The following NAA15 variants were observed in gnomAD, a reference collection of about 807,000 sequenced individuals.
NAA15 encodes N-terminal acetyltransferase.
Under a neutral mutation model 114.0 loss-of-function variants are expected in NAA15, and 34 were observed. The observed-to-expected ratio is 0.30, with a 90% confidence interval of 0.23 to 0.40. The LOEUF is 0.40. Among genes scored for constraint, NAA15 ranks in the 10% least tolerant of loss-of-function variants. The pLI is 1.00. For synonymous variants in NAA15, 340 were observed against 338.0 expected (o/e 1.01, Z -0.06); for missense variants, 658 against 1,004.5 (o/e 0.66, Z 4.66).
At chr4:139,332,429 C>T (rs537929881) in intron 1 of NAA15, among the ~76,000 whole-genome samples, 2 of 152,002 alleles carry the variant, frequency 1.3e-5, no homozygotes, top group African/African-American at 2.4e-5. Context: ...ACGCCTGGCC[C>T]TCGATAGTGC....
At chr4:139,352,015 T>G (rs1747795034) in intron 9 of NAA15, among the ~76,000 whole-genome samples, 1 of 152,198 alleles carries the variant, frequency 6.6e-6, no homozygotes, top group African/African-American at 2.4e-5. Flanking sequence ...CAAAAAGTTC[T>G]GTCAGAAGAG....
At chr4:139,382,523 T>G (rs1423981618) in intron 17 of NAA15, among the ~76,000 whole-genome samples, 1 of 152,178 alleles carries the variant, frequency 6.6e-6, no homozygotes, top group Non-Finnish European at 1.5e-5. Context: ...TAAAGTATCC[T>G]GAAAGCATTT....
intron 1 of NAA15, among the ~76,000 whole-genome samples, chr4:139,309,657 C>T (rs999497132): frequency 6.6e-6 from 1 of 152,010 alleles, no homozygotes; most frequent in Non-Finnish European, 1.5e-5. Flanking sequence ...TTTAAACTGA[C>T]AGCATATATT....
intron 14 of NAA15, among the ~76,000 whole-genome samples, chr4:139,368,004 G>A (rs1748331762): frequency 6.7e-6 from 1 of 148,410 alleles, no homozygotes; most frequent in African/African-American, 2.5e-5. Context: ...ATAGTCCAAG[G>A]CTCTTCAAAC....
At chr4:139,324,547 G>A (rs1254357488) in intron 1 of NAA15, among the ~76,000 whole-genome samples, 1 of 152,218 alleles carries the variant, frequency 6.6e-6, no homozygotes, top group East Asian at 1.9e-4. Context: ...TGTTTTAAGT[G>A]AATTGAATGT....
At chr4:139,352,175 C>A (rs1360473214) in intron 9 of NAA15, among the ~76,000 whole-genome samples, 2 of 152,020 alleles carry the variant, frequency 1.3e-5, no homozygotes, top group Non-Finnish European at 2.9e-5. Flanking sequence ...GTGGCATGAC[C>A]TCAGCTCACT....
intron 6 of NAA15, among the ~76,000 whole-genome samples, chr4:139,348,666 A>G (rs971381292): frequency 1.3e-5 from 2 of 152,232 alleles, no homozygotes; most frequent in Non-Finnish European, 1.5e-5. Flanking sequence ...GAGCTCATAT[A>G]TAATAGTGAA....
In NAA15 at chr4:139,309,455, G is replaced by GTGTA. The variant is rs1212694957; in HGVS notation, c.54+7627_54+7628insATGT. 1.1e-3 allele frequency among the ~76,000 whole-genome samples: 171 copies of GTGTA among 150,414 alleles called. 2 individuals carry two copies. In the South Asian group the frequency reaches 0.018, roughly 16 times the overall value. On this transcript the variant is annotated intron_variant, in intron 1 of 19. Transcript: ENST00000296543. ...TGTGTGTGTGTGTGTGTGTGTGTGT[G>GTGTA]TGTGTGTGTGTGTGTCCAGGATTTC...
At chr4:139,343,498 T>C (rs1175541883) in intron 5 of NAA15, among the ~76,000 whole-genome samples, 1 of 151,554 alleles carries the variant, frequency 6.6e-6, no homozygotes, top group Non-Finnish European at 1.5e-5. Context: ...GAAACAGTTT[T>C]GAAAACTTCC....
chr4:139,351,635 T>C (rs1340674135), intron 9 of NAA15, 24 bp downstream of exon 9: 6 of 1,174,270 alleles, frequency 5.1e-6, no homozygotes, highest in Non-Finnish European at 7.7e-6. Context: ...TGATACTTTC[T>C]TTTGGCTACC....
intron 3 of NAA15, among the ~76,000 whole-genome samples, chr4:139,340,497 C>T (rs1203092561): frequency 1.3e-5 from 2 of 152,080 alleles, no homozygotes; most frequent in Non-Finnish European, 2.9e-5. Flanking sequence ...AGACCCATTC[C>T]TTCTTTTTCC....
intron 6 of NAA15, 111 bp downstream of exon 6, chr4:139,344,450 A>T: frequency 1.2e-6 from 1 of 822,464 alleles, no homozygotes; most frequent in Admixed American, 2.6e-5. Flanking sequence ...TGATGATAGG[A>T]AATCTATTTC....
At chr4:139,357,164 G>C (rs1747983359) in intron 10 of NAA15, among the ~76,000 whole-genome samples, 1 of 152,086 alleles carries the variant, frequency 6.6e-6, no homozygotes, top group Non-Finnish European at 1.5e-5. Flanking sequence ...GTTTCATAAA[G>C]TTATTATATG....
At chr4:139,377,444 A>T (rs1231002516) in intron 16 of NAA15, among the ~76,000 whole-genome samples, 1 of 152,086 alleles carries the variant, frequency 6.6e-6, no homozygotes, top group Non-Finnish European at 1.5e-5. Context: ...AGGCTGAGGC[A>T]GGAGAATCGC....
intron 10 of NAA15, among the ~76,000 whole-genome samples, chr4:139,354,373 A>G (rs578003540): frequency 1.3e-4 from 20 of 152,216 alleles, no homozygotes; most frequent in Non-Finnish European, 2.4e-4. Context: ...AACACAGCTC[A>G]CTGCAGCTTC....
In NAA15 at chr4:139,336,710, G is replaced by T. The variant is rs570329615; in HGVS notation, c.140-138G>T. The T allele has an allele frequency of 3.0e-4, 129 of 431,746 alleles. 1 individual carries two copies. In the East Asian group the frequency reaches 4.6e-3, roughly 15 times the overall value. The allele number at this position is 431,746 out of a possible 1,614,324, so 26.7% of individuals were successfully genotyped here. ...TTTTAAATCTGCAAGAAAGTGGAAA[G>T]TATCTTAGTAATCTCCTTGACATTT... On this transcript the variant is annotated intron_variant, in intron 2 of 19. Transcript: ENST00000296543.
In NAA15 at chr4:139,381,368, C is replaced by T. The variant is rs565660089; in HGVS notation, c.2155+2514C>T. Among the ~76,000 whole-genome samples, 8 of 151,996 alleles carry T rather than the reference C, an allele frequency of 5.3e-5. No individual in the cohort carries two copies. The East Asian group carries it at 1.4e-3, about 26-fold the overall frequency. ...TATTTTCTTAAATGTTTATATTCTC[C>T]TAACTGCTTTTAAAATTAGCACTAT... On this transcript the variant is annotated intron_variant, in intron 17 of 19. Coordinates refer to ENST00000296543, the MANE Select transcript of NAA15 (RefSeq NM_057175.5).
rs1238137871 is a variant in NAA15, at chr4:139,391,037, A to C, written c.*2953A>C. 1 of 152,242 alleles carries C rather than the reference A, an allele frequency of 6.6e-6. No individual in the cohort carries two copies. The highest frequency in any genetic ancestry group is 6.5e-5 in the Admixed American group (1 of 15,286). 9.4% of individuals were successfully genotyped at this position (152,242 alleles called of 1,614,324 possible). On this transcript the variant is annotated 3_prime_UTR_variant, in exon 20 of 20. Transcript: ENST00000296543. Reference sequence around the variant, plus strand: ...TGTATAGTATTTGGGAAAAGCTGTAATGTAAAATATTGGACTTTGTTGCAA... The same window carrying C: ...TGTATAGTATTTGGGAAAAGCTGTACTGTAAAATATTGGACTTTGTTGCAA...
At chr4:139,343,140 G>A (rs1356305498) in intron 5 of NAA15, among the ~76,000 whole-genome samples, 180 bp downstream of exon 5, 1 of 152,130 alleles carries the variant, frequency 6.6e-6, no homozygotes, top group Non-Finnish European at 1.5e-5. Flanking sequence ...AATATTTGGT[G>A]CATTTACTTT....
Sources: gnomAD v4.1 joint callset for allele counts (sites outside exome capture counted in the v4.1 genomes callset) on GRCh38, gnomAD v4.1.1 for gene constraint, MANE v1.5 for transcripts, NCBI Gene and HGNC (gene_info 2026-07-23, HGNC 2026-07-21) for gene names.